Variants in AFDN observed in about 807,000 individuals in gnomAD.
The protein encoded by AFDN is afadin.
AFDN carries 68 observed loss-of-function variants against 216.6 expected under a neutral mutation model. The observed-to-expected ratio is 0.31, with a 90% confidence interval of 0.26 to 0.38. AFDN has a LOEUF of 0.38. Among genes scored for constraint, AFDN ranks in the 10% least tolerant of loss-of-function variants. The probability of loss-of-function intolerance (pLI) is 1.00; values close to 1 mark genes in which losing one functional copy is unlikely to be tolerated. For missense variants in AFDN, 2,136 were observed against 2,342.0 expected (o/e 0.91, Z 1.82); for synonymous variants, 868 against 853.7 (o/e 1.02, Z -0.29).
At chr6:167,966,116 A>T (rs1215107618) in intron 32 of AFDN, 71 bp downstream of exon 32, 5 of 1,533,474 alleles carry the variant, frequency 3.3e-6, no homozygotes, top group Non-Finnish European at 4.4e-6. Flanking sequence ...AACCACGGCC[A>T]CCCCCCTGCC....
intron 30 of AFDN, among the ~76,000 whole-genome samples, chr6:167,957,902 T>C (rs183906560): frequency 2.6e-4 from 39 of 152,338 alleles, no homozygotes; most frequent in Non-Finnish European, 4.7e-4. Context: ...AGCTATTCTA[T>C]GGCAGAGCAC....
intron 30 of AFDN, among the ~76,000 whole-genome samples, chr6:167,955,986 G>A (rs1165964191): frequency 6.6e-6 from 1 of 151,662 alleles, no homozygotes; most frequent in Non-Finnish European, 1.5e-5. Flanking sequence ...ACAGTGGCGG[G>A]CACCTGTAAT....
chr6:167,826,681 C>G, upstream of AFDN: 1 of 454,110 alleles, frequency 2.2e-6, no homozygotes, highest in South Asian at 1.6e-5. Context: ...GGAAGGAACC[C>G]GGTACCGCCG....
chr6:167,840,044 AG>A (rs1780891299), intron 1 of AFDN, among the ~76,000 whole-genome samples: 1 of 152,200 alleles, frequency 6.6e-6, no homozygotes, highest in Non-Finnish European at 1.5e-5. Flanking sequence ...AGGCACAGCA[AG>A]CAAGCAGAGT....
chr6:167,926,062 T>G (rs1271280703), intron 23 of AFDN, among the ~76,000 whole-genome samples: 1 of 152,238 alleles, frequency 6.6e-6, no homozygotes, highest in Non-Finnish European at 1.5e-5. Flanking sequence ...ATATTTTAAT[T>G]GCTAATAGTC....
chr6:167,947,744 A>G (rs669861), intron 27 of AFDN, 109 bp from the exon 28 acceptor site: 99,840 of 633,156 alleles, frequency 0.16, 10,301 homozygotes, highest in African/African-American at 0.38. Flanking sequence ...TCTGTGCTGG[A>G]TACTCACTAG....
intron 23 of AFDN, among the ~76,000 whole-genome samples, chr6:167,927,783 A>G (rs1005249966): frequency 6.6e-6 from 1 of 152,170 alleles, no homozygotes; most frequent in African/African-American, 2.4e-5. Context: ...CTCACAGGCC[A>G]TGTTTCCAGG....
At chr6:167,952,334 T>G in intron 30 of AFDN, 147 bp downstream of exon 30, 1 of 1,513,728 alleles carries the variant, frequency 6.6e-7, no homozygotes, top group Non-Finnish European at 8.8e-7. Context: ...GTGTTACTCT[T>G]GGCTGATGTC....
chr6:167,901,336 A>G (rs777054052), intron 11 of AFDN, among the ~76,000 whole-genome samples: 10 of 152,146 alleles, frequency 6.6e-5, no homozygotes, highest in South Asian at 2.1e-4. Context: ...GCACTCTCCA[A>G]TGAGCTGGGA....
At chr6:167,868,535 T>C (rs1334375870) in intron 2 of AFDN, among the ~76,000 whole-genome samples, 2 of 152,204 alleles carry the variant, frequency 1.3e-5, no homozygotes, top group Admixed American at 1.3e-4. Context: ...TCTGTGTGAC[T>C]GTTGGGGTGT....
At position 167,948,445 on chromosome 6, in the gene AFDN, C is replaced by T. The variant is rs147665327; in HGVS notation, c.3798C>T (p.His1266=). The T allele has an allele frequency of 4.9e-4, 788 of 1,614,174 alleles. No individual in the cohort carries two copies. Among genetic ancestry groups the T allele is most frequent in the Non-Finnish European group, 5.0e-4 (595 of 1,180,030 alleles). Residue 1266 remains histidine (H), a synonymous_variant, in exon 29 of 34, where the codon CAC becomes CAT. Transcript: ENST00000683244. ...ATTATGAGGAAAAGCCACATATGCA[C>T]ACAGATAGTAATCATTCCAGTATTG... ...WPNYEEKPHM[H]TDSNHSSIAI... is the part of the protein sequence containing the mutation.
intron 7 of AFDN, among the ~76,000 whole-genome samples, chr6:167,890,468 T>G (rs1225497540): frequency 6.6e-6 from 1 of 152,232 alleles, no homozygotes; most frequent in African/African-American, 2.4e-5. Flanking sequence ...AGTGTACTTA[T>G]CACCCTAAAA....
At chr6:167,906,069 C>T (rs557491664) in intron 12 of AFDN, among the ~76,000 whole-genome samples, 1 of 152,180 alleles carries the variant, frequency 6.6e-6, no homozygotes, top group African/African-American at 2.4e-5. Context: ...CGCCACTGCA[C>T]TCCAGCCTGG....
intron 21 of AFDN, among the ~76,000 whole-genome samples, chr6:167,921,513 A>G (rs1355327146): frequency 1.3e-5 from 2 of 152,160 alleles, no homozygotes; most frequent in Admixed American, 6.5e-5. Flanking sequence ...TGTGCCGTCA[A>G]TATATATTCC....
chr6:167,837,581 C>T (rs1371304511), intron 1 of AFDN, among the ~76,000 whole-genome samples: 1 of 152,090 alleles, frequency 6.6e-6, no homozygotes, highest in Non-Finnish European at 1.5e-5. Context: ...ATGTAGTGAA[C>T]ACATGTGATA....
intron 30 of AFDN, 24 bp downstream of exon 30, chr6:167,952,211 G>C (rs1796070902): frequency 6.2e-7 from 1 of 1,613,770 alleles, no homozygotes; most frequent in Admixed American, 1.7e-5. Context: ...TGCTTTGGCT[G>C]TGCCCATCTG....
intron 23 of AFDN, among the ~76,000 whole-genome samples, chr6:167,933,162 G>T (rs933442092): frequency 6.6e-6 from 1 of 152,074 alleles, no homozygotes; most frequent in Non-Finnish European, 1.5e-5. Context: ...TCTAAGACCT[G>T]TTTTTTCTAA....
intron 23 of AFDN, among the ~76,000 whole-genome samples, chr6:167,931,017 TGAC>T (rs67114266): frequency 0.29 from 43,781 of 151,884 alleles, 7,252 homozygotes; most frequent in East Asian, 0.59. Context: ...GCAGTGGAGA[TGAC>T]GAGATGGTTT....
At chr6:167,967,176 A>G (rs1797652550) in intron 32 of AFDN, among the ~76,000 whole-genome samples, 4 of 152,252 alleles carry the variant, frequency 2.6e-5, no homozygotes, top group Admixed American at 2.6e-4. Context: ...ATATCTTCAA[A>G]TACAAGAGTA....
Sources: gnomAD v4.1 joint callset for allele counts (sites outside exome capture counted in the v4.1 genomes callset) on GRCh38, gnomAD v4.1.1 for gene constraint, MANE v1.5 for transcripts, NCBI Gene and HGNC (gene_info 2026-07-23, HGNC 2026-07-21) for gene names.